CGREF1: variants seen among roughly 807,000 people sequenced by gnomAD.
CGREF1 encodes the protein cell growth regulator with EF-hand domain 1.
Under a neutral mutation model 17.4 loss-of-function variants are expected in CGREF1, and 16 were observed. The observed-to-expected ratio is 0.92, with a 90% CI of 0.62 to 1.40. CGREF1 has a LOEUF of 1.40. Among genes scored for constraint, CGREF1 ranks in the 40% most tolerant of loss-of-function variants. The pLI is 0.00. For synonymous variants in CGREF1, 142 were observed against 154.6 expected (o/e 0.92, Z 0.61); for missense variants, 296 against 376.4 (o/e 0.79, Z 1.77).
chr2:27,099,459 CGCCCTGGGCCCTGAT>C, downstream of CGREF1: 1 of 1,614,018 alleles, frequency 6.2e-7, no homozygotes, highest in South Asian at 1.1e-5. Context: ...AGGGCGCCGA[CGCCCTGGGCCCTGAT>C]GGCAAATTGC....
At chr2:27,099,927 G>A (rs535914793), downstream of CGREF1, 62 of 1,403,404 alleles carry the variant, frequency 4.4e-5, no homozygotes, top group African/African-American at 8.0e-4. Context: ...GGGATGGCTG[G>A]GGGATGCAGA....
downstream of CGREF1, chr2:27,099,697 T>A: frequency 6.2e-7 from 1 of 1,614,068 alleles, no homozygotes; most frequent in Non-Finnish European, 8.5e-7. Flanking sequence ...GAGATTCGGG[T>A]GCCAGGTGGC....
chr2:27,117,066 C>G (rs1671615357), intron 1 of CGREF1, among the ~76,000 whole-genome samples: 1 of 152,008 alleles, frequency 6.6e-6, no homozygotes, highest in Non-Finnish European at 1.5e-5. Flanking sequence ...GTGTGCACCA[C>G]TACACCTGGC....
rs1284065635 is a variant in CGREF1, at chr2:27,104,175, C to G, written c.80+112G>C. On this transcript the variant is annotated intron_variant, in intron 2 of 5. Coordinates refer to ENST00000402394, the MANE Select transcript of CGREF1 (RefSeq NM_006569.6). ...GCTGATGGCAGGGAGATACAGAGAT[C>G]GGGGAACCTACACCCCAGTCTCCTG... 6.5e-6 allele frequency: 7 copies of G among 1,069,266 alleles called. No individual in the cohort carries two copies. In the Admixed American group the frequency reaches 1.5e-4, roughly 22 times the overall value. 66.2% of individuals were successfully genotyped at this position (1,069,266 alleles called of 1,614,324 possible).
At chr2:27,103,380 C>CT (rs3072688) in intron 2 of CGREF1, among the ~76,000 whole-genome samples, 73,380 of 150,816 alleles carry the variant, frequency 0.49, 18,358 homozygotes, top group East Asian at 0.76. Flanking sequence ...ACCATAAGGT[C>CT]TTTTTTTTTC....
downstream of CGREF1, chr2:27,099,972 TTCTCC>T (rs1670708001): frequency 3.1e-6 from 3 of 967,522 alleles, no homozygotes; most frequent in Middle Eastern, 3.1e-4. Context: ...CAGAGCCAGC[TTCTCC>T]TCTCAATGTC....
chr2:27,116,540 A>G (rs140707133), intron 1 of CGREF1, among the ~76,000 whole-genome samples: 2,180 of 150,880 alleles, frequency 0.014, 47 homozygotes, highest in African/African-American at 0.048. Flanking sequence ...AAGAGAGAGA[A>G]AAAAAAAAGT....
At chr2:27,102,455 C>T in intron 3 of CGREF1, 25 bp from the exon 4 acceptor site, 2 of 1,613,770 alleles carry the variant, frequency 1.2e-6, no homozygotes, top group Non-Finnish European at 8.5e-7. Flanking sequence ...GAGAATCAGC[C>T]CGGGAGAGGT....
At chr2:27,117,559 G>C (rs532970263) in intron 1 of CGREF1, among the ~76,000 whole-genome samples, 1 of 152,128 alleles carries the variant, frequency 6.6e-6, no homozygotes, top group Non-Finnish European at 1.5e-5. Flanking sequence ...ATGACCCTCC[G>C]GCCCCAGTGT....
intron 1 of CGREF1, among the ~76,000 whole-genome samples, chr2:27,105,936 A>G (rs1671104463): frequency 6.6e-6 from 1 of 152,248 alleles, no homozygotes; most frequent in African/African-American, 2.4e-5. Flanking sequence ...GTAGCCAAAA[A>G]TAGATGCTGA....
intron 1 of CGREF1, chr2:27,104,718 CT>C: frequency 6.5e-7 from 1 of 1,535,502 alleles, no homozygotes; most frequent in African/African-American, 1.4e-5. Flanking sequence ...ATCTGACCTC[CT>C]TCAGCCCATT....
At chr2:27,116,878 T>TCG (rs1558466797) in intron 1 of CGREF1, among the ~76,000 whole-genome samples, 3 of 36,788 alleles carry the variant, frequency 8.2e-5, no homozygotes, top group Non-Finnish European at 1.6e-4. Flanking sequence ...CTATTCTCTC[T>TCG]CTCTCTCTCT....
At position 27,102,409 on chromosome 2, in the gene CGREF1, C is replaced by T. The variant is rs1173441712; in HGVS notation, c.168G>A (p.Lys56=). The T allele has an allele frequency of 2.5e-6, 4 of 1,614,060 alleles. No homozygotes were observed. Among genetic ancestry groups the T allele is most frequent in the South Asian group, 1.1e-5 (1 of 91,090 alleles). The change falls in exon 4 of 6, where the codon AAG becomes AAA. Residue 56 remains lysine (K), a synonymous_variant. Transcript: ENST00000402394. ...GTTGCACTTCTGTCCTTCCTAGTCC[C>T]TTTAGGTAGCTCTGCAGAAGTCTGT... ...EQLGLLQSYL[K]GLGRTEVQLE...
At chr2:27,118,054 G>C (rs1342916531) in intron 1 of CGREF1, among the ~76,000 whole-genome samples, 2 of 152,106 alleles carry the variant, frequency 1.3e-5, no homozygotes, top group African/African-American at 4.8e-5. Context: ...AACGGTATCT[G>C]TCTCCTAAAG....
intron 2 of CGREF1, among the ~76,000 whole-genome samples, chr2:27,103,922 G>A (rs1243140346): frequency 6.6e-6 from 1 of 152,088 alleles, no homozygotes; most frequent in African/African-American, 2.4e-5. Context: ...GGCGGAGCTC[G>A]CAGTGAGCTG....
In CGREF1 at chr2:27,119,064, C is replaced by T. The variant is rs1558468156; in HGVS notation, c.-230G>A. ...CCGGACCTGGCCCTTCGCAGCTCCA[C>T]CAGCGCCCCCGCTGCGCCCGCGGCC... On this transcript the variant is annotated 5_prime_UTR_variant, in exon 1 of 6. It adds an upstream start codon to the 5' untranslated region. Transcript: ENST00000402394. This position sits in a 1 kb window ranked among gnomAD's most constrained non-coding sequence, Gnocchi z 5.6. The T allele has an allele frequency of 6.6e-6, 1 of 152,528 alleles. No individual in the cohort carries two copies. Among genetic ancestry groups the T allele is most frequent in the Non-Finnish European group, 1.5e-5 (1 of 68,038 alleles). 9.4% of individuals were successfully genotyped at this position (152,528 alleles called of 1,614,324 possible).
chr2:27,103,196 G>A (rs1220866860), intron 2 of CGREF1: 1 of 805,328 alleles, frequency 1.2e-6, no homozygotes, highest in East Asian at 1.3e-4. Context: ...CAGAGAGCTG[G>A]CAGGAGTTGC....
At chr2:27,113,740 G>A (rs2148397836) in intron 1 of CGREF1, among the ~76,000 whole-genome samples, 1 of 152,246 alleles carries the variant, frequency 6.6e-6, no homozygotes, top group African/African-American at 2.4e-5. Context: ...TTTAATTAAT[G>A]AGACAAGATG....
chr2:27,103,997 A>G (rs1446009617), intron 2 of CGREF1, among the ~76,000 whole-genome samples: 1 of 152,040 alleles, frequency 6.6e-6, no homozygotes, highest in Non-Finnish European at 1.5e-5. Flanking sequence ...ACAAACAAAC[A>G]AACAAACAAT....
Sources: gnomAD v4.1 joint callset for allele counts (sites outside exome capture counted in the v4.1 genomes callset) on GRCh38, gnomAD v4.1.1 for gene constraint, Gnocchi (gnomAD v3.1) non-coding constraint, MANE v1.5 for transcripts, NCBI Gene and HGNC (gene_info 2026-07-23, HGNC 2026-07-21) for gene names.